Variants in DMD observed in about 807,000 individuals in gnomAD.
DMD encodes the protein mutant dystrophin.
A neutral mutation model predicts 330.1 loss-of-function variants in DMD; 63 were observed. The observed-to-expected ratio is 0.19, with a 90% confidence interval of 0.16 to 0.24. The LOEUF (loss-of-function observed/expected upper bound fraction) is 0.24. Ranked by LOEUF, DMD falls within the 10% of genes least tolerant of loss-of-function variation. DMD has a pLI of 1.00. For synonymous variants in DMD, 1,223 were observed against 959.8 expected, an observed-to-expected ratio of 1.27 and a Z score of -5.07; for missense variants, 3,344 against 2,684.1, an observed-to-expected ratio of 1.25 and a Z score of -5.43.
At chrX:31,195,612 C>A (rs2042787613) in intron 67 of DMD, among the ~76,000 whole-genome samples, 1 of 109,048 alleles carries the variant, frequency 9.2e-6, no homozygotes, top group South Asian at 4.0e-4. Context: ...ATTACAGGAA[C>A]AGAAAACAGA....
chrX:31,772,553 A>C (rs1392305312), intron 51 of DMD, among the ~76,000 whole-genome samples: 1 of 111,926 alleles, frequency 8.9e-6, no homozygotes, highest in East Asian at 2.8e-4. Context: ...CTACATCTAC[A>C]TACAAATCAC....
chrX:33,335,955 C>G (rs973048773), intron 1 of DMD, among the ~76,000 whole-genome samples: 2 of 111,289 alleles, frequency 1.8e-5, no homozygotes, highest in Non-Finnish European at 3.8e-5. Flanking sequence ...ATCAAGATAA[C>G]TAGCCATATT....
At chrX:32,126,408 A>G (rs1322228490) in intron 44 of DMD, among the ~76,000 whole-genome samples, 3 of 111,577 alleles carry the variant, frequency 2.7e-5, no homozygotes, top group Non-Finnish European at 5.7e-5. Context: ...CGACACAAAC[A>G]CCCACACTTA....
At chrX:31,559,656 A>AG (rs1471534254) in intron 55 of DMD, among the ~76,000 whole-genome samples, 1 of 101,885 alleles carries the variant, frequency 9.8e-6, no homozygotes, top group East Asian at 3.1e-4. Flanking sequence ...AAAAAAAAAA[A>AG]AAAAAAAAAG....
chrX:31,165,708 A>G (rs1331006515), intron 74 of DMD, among the ~76,000 whole-genome samples: 1 of 112,461 alleles, frequency 8.9e-6, no homozygotes, highest in African/African-American at 3.2e-5. Context: ...CCCAAGATCC[A>G]GTGGCTCTTT....
chrX:33,167,954 G>A (rs2049139853), intron 1 of DMD, among the ~76,000 whole-genome samples: 1 of 111,058 alleles, frequency 9.0e-6, no homozygotes, highest in African/African-American at 3.3e-5. Context: ...TAGAAAAAAT[G>A]TCTGGCACAC....
At chrX:31,290,515 A>G (rs2053611258) in intron 62 of DMD, among the ~76,000 whole-genome samples, 1 of 111,982 alleles carries the variant, frequency 8.9e-6, no homozygotes, top group Non-Finnish European at 1.9e-5. Flanking sequence ...AGTTATACAT[A>G]TCTTATTAGT....
chrX:31,342,294 C>T (rs2057817140), intron 61 of DMD, among the ~76,000 whole-genome samples: 1 of 111,450 alleles, frequency 9.0e-6, no homozygotes, highest in African/African-American at 3.3e-5. Flanking sequence ...AATTTTTTGT[C>T]ATTAAAGCAT....
intron 67 of DMD, among the ~76,000 whole-genome samples, chrX:31,187,316 G>C (rs2041862608): frequency 8.9e-6 from 1 of 112,217 alleles, no homozygotes; most frequent in African/African-American, 3.2e-5. Context: ...TACCAGAGCT[G>C]TCTTATCTGT....
intron 2 of DMD, among the ~76,000 whole-genome samples, chrX:32,988,037 GTTAC>G (rs1332249083): frequency 1.8e-5 from 2 of 110,247 alleles, no homozygotes; most frequent in African/African-American, 6.6e-5. Context: ...AAAAGTAGAA[GTTAC>G]TTAATATCGG....
intron 2 of DMD, among the ~76,000 whole-genome samples, chrX:33,019,515 A>G (rs1467281978): frequency 1.8e-5 from 2 of 111,559 alleles, no homozygotes; most frequent in East Asian, 5.6e-4. Flanking sequence ...AAACCTCCAT[A>G]TATTGCATTC....
chrX:32,537,123 C>G (rs2048064999), intron 17 of DMD, among the ~76,000 whole-genome samples: 1 of 111,709 alleles, frequency 9.0e-6, no homozygotes, highest in Non-Finnish European at 1.9e-5. Context: ...GCTCACTGCA[C>G]AAGTTCAGGA....
intron 54 of DMD, among the ~76,000 whole-genome samples, chrX:31,644,528 A>T (rs1187931292): frequency 1.8e-5 from 2 of 111,946 alleles, no homozygotes; most frequent in Non-Finnish European, 1.9e-5. Flanking sequence ...TCAGACCTAT[A>T]GAATGTCACG....
At chrX:33,193,950 C>T (rs757353835) in intron 1 of DMD, among the ~76,000 whole-genome samples, 1 of 110,338 alleles carries the variant, frequency 9.1e-6, no homozygotes, top group South Asian at 3.9e-4. Flanking sequence ...AGAATATAAA[C>T]ACATAGAAGA....
rs1341075225 is a variant in DMD at position 33,107,316 on chromosome X, C to G, written c.32-87116G>C. On this transcript the variant is annotated intron_variant, in intron 1 of 78. Coordinates refer to ENST00000357033, the MANE Select transcript of DMD (RefSeq NM_004006.3). Reference sequence around the variant, plus strand: ...AACAAGAGCGAAGCTCTGTCCCCCCCCCCCCCCCAACACACACAAAAAAAA... The same window carrying G: ...AACAAGAGCGAAGCTCTGTCCCCCCGCCCCCCCCAACACACACAAAAAAAA... 4.0e-3 allele frequency among the ~76,000 whole-genome samples: 282 copies of G among 71,096 alleles called. 6 individuals carry two copies. Among genetic ancestry groups the G allele is most frequent in the African/African-American group, 0.014 (261 of 18,326 alleles). The allele number at this position is 71,096 out of a possible 115,157, so 61.7% of individuals were successfully genotyped here.
At chrX:32,303,040 G>A (rs1434483684) in intron 42 of DMD, among the ~76,000 whole-genome samples, 2 of 111,194 alleles carry the variant, frequency 1.8e-5, no homozygotes, top group Non-Finnish European at 3.8e-5. Context: ...TGTTAGTAAT[G>A]TTTTAATTAT....
Position 32,468,653 on chromosome X carries a change from C to A in DMD, c.3007G>T (p.Val1003Leu). 1 of 1,211,397 alleles carries A rather than the reference C, an allele frequency of 8.3e-7. No individual in the cohort carries two copies. The highest frequency in any genetic ancestry group is 1.1e-6 in the Non-Finnish European group (1 of 895,395). ...GGCGCTTTCTTCGACATCTCTTTCA[C>A]AGTGGTGCTGAGATAGTATAGGCCA... is the stretch of plus-strand genomic sequence containing the variant. ...QSGLYYLSTT[V>L]KEMSKKAPSE... The change falls in exon 23 of 79, where the codon GTG becomes TTG. Residue 1003 changes from valine to leucine, a missense_variant. Physicochemically the swap from Val to Leu is conservative, Grantham distance 32 (BLOSUM62 1). Coordinates refer to ENST00000357033, the MANE Select transcript of DMD (RefSeq NM_004006.3).
chrX:32,155,973 AACAC>A (rs60347530), intron 44 of DMD, among the ~76,000 whole-genome samples: 5,659 of 95,674 alleles, frequency 0.059, 332 homozygotes, highest in African/African-American at 0.17. Context: ...TTTGTCATTC[AACAC>A]ACACACACAC....
intron 1 of DMD, among the ~76,000 whole-genome samples, chrX:33,243,700 A>C (rs2148891940): frequency 8.9e-6 from 1 of 112,620 alleles, no homozygotes; most frequent in South Asian, 3.7e-4. Context: ...AACATTATTT[A>C]GCCACAAAAG....
Sources: gnomAD v4.1 joint callset for allele counts (sites outside exome capture counted in the v4.1 genomes callset) on GRCh38, gnomAD v4.1.1 for gene constraint, MANE v1.5 for transcripts, NCBI Gene and HGNC (gene_info 2026-07-23, HGNC 2026-07-21) for gene names.